Variants in SNX10 observed in about 807,000 individuals in gnomAD.
SNX10 encodes the protein sorting nexin-10.
In SNX10, 25 loss-of-function variants were observed where a neutral mutation model predicts 28.5. The observed-to-expected ratio is 0.88, with a 90% CI of 0.64 to 1.22. The LOEUF (loss-of-function observed/expected upper bound fraction) is 1.22, where lower values mean the gene tolerates loss of function less well. SNX10 is among the 50% of genes most tolerant of loss of function. The pLI, the probability that SNX10 is intolerant of heterozygous loss-of-function variation, is 0.00. For synonymous variants in SNX10, 62 were observed against 81.4 expected (o/e 0.76, Z 1.28); for missense variants, 223 against 242.6 (o/e 0.92, Z 0.54).
At chr7:26,293,457 C>T (rs1160756266) in intron 1 of SNX10, among the ~76,000 whole-genome samples, 5 of 152,162 alleles carry the variant, frequency 3.3e-5, no homozygotes, top group African/African-American at 9.7e-5. Context: ...CCACCTGCCT[C>T]GGCCTCCCAA....
At chr7:26,309,341 G>C (rs140890983) in intron 1 of SNX10, among the ~76,000 whole-genome samples, 39 of 147,070 alleles carry the variant, frequency 2.7e-4, no homozygotes, top group African/African-American at 9.3e-4. Flanking sequence ...TTAGGTATTA[G>C]AACTCAAGGA....
At chr7:26,308,350 G>C (rs981127267) in intron 1 of SNX10, among the ~76,000 whole-genome samples, 4 of 152,142 alleles carry the variant, frequency 2.6e-5, no homozygotes, top group Non-Finnish European at 5.9e-5. Context: ...TTACCCTGGG[G>C]GAAGCAATGT....
rs1003438480 is a variant in SNX10, at chr7:26,373,564, G to A, written c.*992G>A. 3 of 151,970 alleles carry A rather than the reference G, an allele frequency of 2.0e-5. No individual in the cohort carries two copies. Among genetic ancestry groups the A allele is most frequent in the Non-Finnish European group, 2.9e-5 (2 of 67,880 alleles). 9.4% of individuals were successfully genotyped at this position (151,970 alleles called of 1,614,324 possible). On this transcript the variant is annotated 3_prime_UTR_variant, in exon 7 of 7. Transcript: ENST00000338523. This position sits in a 1 kb window ranked among gnomAD's most constrained non-coding sequence, Gnocchi z 4.2. ...GCCCCTTTTAAAGCATCTACTTGAAGATTGGTATAATTTTCATAAAATGTC... is the reference window on the plus strand; with the variant it reads ...GCCCCTTTTAAAGCATCTACTTGAAAATTGGTATAATTTTCATAAAATGTC...
At chr7:26,346,590 A>C (rs1788396224) in intron 2 of SNX10, 124 bp downstream of exon 2, 1 of 747,636 alleles carries the variant, frequency 1.3e-6, no homozygotes, top group Admixed American at 1.9e-5. Context: ...CCAAAGGCCC[A>C]CCCTCCTGTA....
At chr7:26,340,345 T>C (rs1268721824) in intron 1 of SNX10, among the ~76,000 whole-genome samples, 2 of 152,194 alleles carry the variant, frequency 1.3e-5, no homozygotes, top group Admixed American at 1.3e-4. Context: ...TAGGCATCTG[T>C]GAGTGCCTTT....
chr7:26,361,552 T>C (rs1378127998), intron 3 of SNX10, among the ~76,000 whole-genome samples: 1 of 152,202 alleles, frequency 6.6e-6, no homozygotes, highest in Non-Finnish European at 1.5e-5. Context: ...ATGTAACGAG[T>C]AAGCAACTAG....
chr7:26,355,831 A>G (rs1318323019), intron 2 of SNX10, among the ~76,000 whole-genome samples: 1 of 152,240 alleles, frequency 6.6e-6, no homozygotes, highest in Non-Finnish European at 1.5e-5. Flanking sequence ...GGCAGATCTG[A>G]GTTTGAAACT....
intron 1 of SNX10, among the ~76,000 whole-genome samples, chr7:26,300,701 C>G (rs1786300695): frequency 6.6e-6 from 1 of 152,070 alleles, no homozygotes; most frequent in African/African-American, 2.4e-5. Context: ...GTGATTTACC[C>G]TGGATTTCGT....
At chr7:26,309,097 G>T (rs1433876761) in intron 1 of SNX10, among the ~76,000 whole-genome samples, 1 of 152,132 alleles carries the variant, frequency 6.6e-6, no homozygotes, top group Non-Finnish European at 1.5e-5. Context: ...ATTCATGGGG[G>T]ACTGGGCCCC....
At chr7:26,359,053 G>A (rs181070278) in intron 2 of SNX10, among the ~76,000 whole-genome samples, 3 of 152,050 alleles carry the variant, frequency 2.0e-5, no homozygotes, top group Admixed American at 2.0e-4. Context: ...TGATCCACCC[G>A]CCTCAGCCTC....
At chr7:26,367,415 T>A (rs1413185110) in intron 5 of SNX10, among the ~76,000 whole-genome samples, 1 of 152,214 alleles carries the variant, frequency 6.6e-6, no homozygotes, top group Non-Finnish European at 1.5e-5. Flanking sequence ...GGTTCTCTTG[T>A]GATATCATTT....
chr7:26,308,127 C>T (rs942114903), intron 1 of SNX10, among the ~76,000 whole-genome samples: 4 of 152,142 alleles, frequency 2.6e-5, no homozygotes, highest in African/African-American at 9.7e-5. Context: ...CCCATAAATC[C>T]CATAGCCCTT....
At chr7:26,300,732 G>T (rs1235018609) in intron 1 of SNX10, among the ~76,000 whole-genome samples, 1 of 152,092 alleles carries the variant, frequency 6.6e-6, no homozygotes, top group Non-Finnish European at 1.5e-5. Context: ...TGCTTTAAAA[G>T]AATTAGGCCG....
intron 5 of SNX10, among the ~76,000 whole-genome samples, chr7:26,369,228 G>A (rs1337784329): frequency 6.6e-6 from 1 of 152,060 alleles, no homozygotes; most frequent in Non-Finnish European, 1.5e-5. Flanking sequence ...TTTATTGACT[G>A]TTTTACAAAG....
intron 1 of SNX10, among the ~76,000 whole-genome samples, chr7:26,343,927 AC>A (rs1788273878): frequency 6.6e-6 from 1 of 151,626 alleles, no homozygotes; most frequent in Non-Finnish European, 1.5e-5. Context: ...AACCCTCTCC[AC>A]CCCCACTTAG....
intron 1 of SNX10, among the ~76,000 whole-genome samples, chr7:26,312,388 A>C (rs1308586003): frequency 6.6e-6 from 1 of 152,256 alleles, no homozygotes; most frequent in Non-Finnish European, 1.5e-5. Context: ...GTTATGTATT[A>C]AGGATTAACT....
At chr7:26,340,615 A>T (rs1788145595) in intron 1 of SNX10, among the ~76,000 whole-genome samples, 1 of 152,220 alleles carries the variant, frequency 6.6e-6, no homozygotes, top group Non-Finnish European at 1.5e-5. Flanking sequence ...GAAGAGATAC[A>T]CGAGTCTCTC....
chr7:26,361,906 A>C (rs982728374), intron 3 of SNX10, among the ~76,000 whole-genome samples: 1 of 152,246 alleles, frequency 6.6e-6, no homozygotes, highest in African/African-American at 2.4e-5. Context: ...GATGCATATC[A>C]GATGCAAACT....
intron 1 of SNX10, among the ~76,000 whole-genome samples, chr7:26,299,725 A>G (rs75609748): frequency 6.6e-6 from 1 of 151,792 alleles, no homozygotes; most frequent in African/African-American, 2.4e-5. Context: ...CATCTGGCCT[A>G]TATTTCTATT....
Sources: gnomAD v4.1 joint callset for allele counts (sites outside exome capture counted in the v4.1 genomes callset) on GRCh38, gnomAD v4.1.1 for gene constraint, Gnocchi (gnomAD v3.1) non-coding constraint, MANE v1.5 for transcripts, NCBI Gene and HGNC (gene_info 2026-07-23, HGNC 2026-07-21) for gene names.